COPB1: variants seen among roughly 807,000 people sequenced by gnomAD.
COPB1 encodes the protein coat protein complex I subunit beta 1, also known as coatomer subunit beta.
A neutral mutation model predicts 108.7 loss-of-function variants in COPB1; 21 were observed. That is an observed-to-expected ratio of 0.19 (90% CI 0.14 to 0.28). COPB1 has a LOEUF of 0.28. Ranked by LOEUF, COPB1 falls within the 10% of genes least tolerant of loss-of-function variation. The probability of loss-of-function intolerance (pLI) is 1.00; values close to 1 mark genes in which losing one functional copy is unlikely to be tolerated. For missense variants in COPB1, 919 were observed against 1,141.3 expected (o/e 0.81, Z 2.81); for synonymous variants, 378 against 386.8 (o/e 0.98, Z 0.27).
chr11:14,474,068 A>G (rs1293286429), intron 14 of COPB1: 1 of 153,840 alleles, frequency 6.5e-6, no homozygotes, highest in Non-Finnish European at 1.4e-5. Flanking sequence ...GTGTTTGGTT[A>G]GAACGGTCAG....
chr11:14,465,146 T>C, intron 17 of COPB1, 116 bp from the exon 18 acceptor site: 1 of 1,310,314 alleles, frequency 7.6e-7, no homozygotes, highest in Non-Finnish European at 1.0e-6. Context: ...AGCTTAATAG[T>C]TTCTAGGAAA....
chr11:14,466,245 T>C (rs1465072474), intron 17 of COPB1, 37 bp downstream of exon 17: 2 of 1,602,226 alleles, frequency 1.2e-6, no homozygotes, highest in African/African-American at 1.3e-5. Flanking sequence ...AGATCTACTA[T>C]GTGACAATCT....
At chr11:14,473,093 G>C (rs1163105783) in intron 14 of COPB1, among the ~76,000 whole-genome samples, 1 of 152,072 alleles carries the variant, frequency 6.6e-6, no homozygotes, top group Non-Finnish European at 1.5e-5. Flanking sequence ...TCCTGCCTCA[G>C]CCTCCCAAGT....
chr11:14,497,244 T>C (rs1303540387), intron 2 of COPB1, among the ~76,000 whole-genome samples: 1 of 151,370 alleles, frequency 6.6e-6, no homozygotes, highest in Non-Finnish European at 1.5e-5. Context: ...TCGACATACG[T>C]GATGAGACAA....
At chr11:14,464,094 C>T (rs17475467) in intron 18 of COPB1, among the ~76,000 whole-genome samples, 5,762 of 152,246 alleles carry the variant, frequency 0.038, 154 homozygotes, top group Non-Finnish European at 0.056. Flanking sequence ...CTTCCACAAA[C>T]CTTCCTAACT....
chr11:14,490,480 G>C, intron 5 of COPB1, 85 bp downstream of exon 5: 2 of 720,216 alleles, frequency 2.8e-6, no homozygotes, highest in African/African-American at 3.7e-5. Flanking sequence ...CAAAATTACT[G>C]ACTAAAAACA....
chr11:14,477,005 C>G lies in COPB1; in HGVS notation c.1369G>C (p.Gly457Arg), dbSNP rs1343177049. 6.2e-7 allele frequency: 1 copy of G among 1,603,498 alleles called. No individual in the cohort carries two copies. Among genetic ancestry groups the G allele is most frequent in the Admixed American group, 1.7e-5 (1 of 59,980 alleles). ...HAIKSVKIYR[G>R]ALWILGEYCS... Reference sequence around the variant, plus strand: ...TATTCTCCCAGGATCCATAATGCTCCTCGGTAAATCCTAGCACAATACAAG... The same window carrying G: ...TATTCTCCCAGGATCCATAATGCTCGTCGGTAAATCCTAGCACAATACAAG... Residue 457 changes from glycine (G) to arginine (R), a missense_variant, in exon 12 of 22, where the codon GGA (glycine) becomes CGA (arginine). Physicochemically the swap from Gly to Arg is moderately radical, Grantham distance 125. Transcript: ENST00000439561.
Position 14,458,570 on chromosome 11 carries a change from C to T in COPB1, c.2764G>A (p.Ala922Thr), listed in dbSNP as rs768761072. ...CGAATTCTTATATGGCCGGTAACAG[C>T]AGCATCTGGTCCCTGGTGAATTGGC... ...EKPIHQGPDA[A>T]VTGHIRIRAK... Residue 922 changes from alanine (A) to threonine (T), a missense_variant, in exon 21 of 22, where the codon GCT (alanine) becomes ACT (threonine). This residue lies in a region of COPB1 where 705 missense variants were observed against 817.8 expected (regional missense o/e 0.86). Transcript: ENST00000439561. 6.2e-7 allele frequency: 1 copy of T among 1,613,194 alleles called. No individual in the cohort carries two copies. The highest frequency in any genetic ancestry group is 1.3e-5 in the African/African-American group (1 of 74,906).
At chr11:14,487,010 AT>A (rs2134120968) in intron 6 of COPB1, among the ~76,000 whole-genome samples, 1 of 152,336 alleles carries the variant, frequency 6.6e-6, no homozygotes, top group Admixed American at 6.5e-5. Context: ...GACGGATGAT[AT>A]AAATCTCAAT....
At chr11:14,465,522 T>A (rs184524007) in intron 17 of COPB1, among the ~76,000 whole-genome samples, 1 of 152,092 alleles carries the variant, frequency 6.6e-6, no homozygotes, top group East Asian at 1.9e-4. Context: ...TTTGTAGAGA[T>A]TGGGGTCATT....
In COPB1 at chr11:14,466,273, T is replaced by G; in HGVS notation, c.2290+9A>C. The G allele has an allele frequency of 6.2e-7, 1 of 1,612,348 alleles. No individual in the cohort carries two copies. The highest frequency in any genetic ancestry group is 8.5e-7 in the Non-Finnish European group (1 of 1,179,142). ...GACAATCTCTTTCCTGAATGGTAAG[T>G]TTCCTCACCTAGTGTAGCTAGTTCT... is the stretch of plus-strand genomic sequence containing the variant. On this transcript the variant is annotated intron_variant, in intron 17 of 21. Transcript: ENST00000439561.
chr11:14,460,196 G>C lies in COPB1; in HGVS notation c.2646+12C>G, dbSNP rs1850113310. ...TTCCATCAGATTTCTGAATTTCCTA[G>C]TCAAATTTTACCTTTTCTGGAGTCA... is the stretch of plus-strand genomic sequence containing the variant. On this transcript the variant is annotated intron_variant, in intron 20 of 21. Transcript: ENST00000439561. 5 of 1,556,726 alleles carry C rather than the reference G, an allele frequency of 3.2e-6. No individual in the cohort carries two copies. The highest frequency in any genetic ancestry group is 1.7e-4 in the Middle Eastern group (1 of 5,948).
intron 16 of COPB1, 49 bp downstream of exon 16, chr11:14,468,632 C>G (rs1850334802): frequency 6.4e-7 from 1 of 1,561,284 alleles, no homozygotes; most frequent in African/African-American, 1.4e-5. Flanking sequence ...TAACAACTTC[C>G]TTAAGGAGTC....
At chr11:14,487,003 G>A (rs531132171) in intron 6 of COPB1, among the ~76,000 whole-genome samples, 4 of 152,070 alleles carry the variant, frequency 2.6e-5, no homozygotes, top group African/African-American at 4.8e-5. Context: ...GAAACATGAC[G>A]GATGATATAA....
intron 14 of COPB1, 29 bp from the exon 15 acceptor site, chr11:14,469,592 T>C: frequency 6.4e-7 from 1 of 1,565,328 alleles, no homozygotes; most frequent in Non-Finnish European, 8.8e-7. Flanking sequence ...CGGTTACTGA[T>C]ATTGTCTTGA....
intron 8 of COPB1, 129 bp from the exon 9 acceptor site, chr11:14,481,226 G>A: frequency 1.5e-6 from 1 of 671,640 alleles, no homozygotes; most frequent in Non-Finnish European, 2.5e-6. Context: ...AACCACTAGT[G>A]GTGGAAGAAC....
Position 14,466,268 on chromosome 11 carries a change from G to A in COPB1, c.2290+14C>T, listed in dbSNP as rs749690984. 1.2e-6 allele frequency: 2 copies of A among 1,611,572 alleles called. No individual in the cohort carries two copies. The highest frequency in any genetic ancestry group is 1.7e-6 in the Non-Finnish European group (2 of 1,178,712). ...TATGTGACAATCTCTTTCCTGAATG[G>A]TAAGTTTCCTCACCTAGTGTAGCTA... On this transcript the variant is annotated intron_variant, in intron 17 of 21. Transcript: ENST00000439561.
In COPB1 at chr11:14,471,683, C is replaced by T. The variant is rs896037564; in HGVS notation, c.1738-2120G>A. Among the ~76,000 whole-genome samples, 9 of 152,112 alleles carry T rather than the reference C, an allele frequency of 5.9e-5. No homozygotes were observed. In the South Asian group the frequency reaches 8.3e-4, roughly 14 times the overall value. Reference sequence around the variant, plus strand: ...CTGTAATCCCAGCACTTTGGGAGGCCGAGGTGGGCGGATCACCTGAGGTCA... The same window carrying T: ...CTGTAATCCCAGCACTTTGGGAGGCTGAGGTGGGCGGATCACCTGAGGTCA... On this transcript the variant is annotated intron_variant, in intron 14 of 21. Transcript: ENST00000439561.
chr11:14,475,357 G>C (rs1184080056), intron 13 of COPB1, among the ~76,000 whole-genome samples: 1 of 151,740 alleles, frequency 6.6e-6, no homozygotes, highest in Non-Finnish European at 1.5e-5. Context: ...GCACTTAGTG[G>C]GTATTCAGTA....
Sources: allele counts gnomAD v4.1 joint callset (sites outside exome capture counted in the v4.1 genomes callset), GRCh38; gene constraint gnomAD v4.1.1; regional missense constraint gnomAD v4.1.1; transcripts MANE v1.5; gene names NCBI Gene and HGNC (gene_info 2026-07-23, HGNC 2026-07-21).